Variants in DOK6 observed in about 807,000 individuals in gnomAD.
DOK6 encodes docking protein 6.
Under a neutral mutation model 44.0 loss-of-function variants are expected in DOK6, and 22 were observed. That is an observed-to-expected ratio of 0.50 (90% CI 0.36 to 0.71). The LOEUF is 0.71. DOK6 is among the 30% of genes least tolerant of loss of function. The pLI, the probability that DOK6 is intolerant of heterozygous loss-of-function variation, is 0.00. For missense variants in DOK6, 340 were observed against 416.4 expected (o/e 0.82, Z 1.60); for synonymous variants, 166 against 145.5 (o/e 1.14, Z -1.01).
At chr18:69,459,306 A>C (rs562799256) in intron 1 of DOK6, among the ~76,000 whole-genome samples, 23 of 151,480 alleles carry the variant, frequency 1.5e-4, no homozygotes, top group Non-Finnish European at 4.4e-5. Context: ...TTAGCCTTTT[A>C]TACTTTCTAG....
Position 69,757,944 on chromosome 18 carries a change from G to C in DOK6, c.856+71G>C. On this transcript the variant is annotated intron_variant, in intron 7 of 7. Transcript: ENST00000382713. ...CCAGGTGGACTGAGTCATGCAAATT[G>C]CTTTGTATTTGCATTGCTTGCTTTT... The C allele has an allele frequency of 2.3e-6, 3 of 1,317,200 alleles. No homozygotes were observed. In the South Asian group the frequency reaches 3.5e-5, roughly 16 times the overall value. 81.6% of individuals were successfully genotyped at this position (1,317,200 alleles called of 1,614,324 possible).
At chr18:69,776,324 G>A (rs1980061223) in intron 7 of DOK6, among the ~76,000 whole-genome samples, 1 of 151,778 alleles carries the variant, frequency 6.6e-6, no homozygotes, top group South Asian at 2.1e-4. Flanking sequence ...ATAGAACATG[G>A]GCTCATGTTT....
chr18:69,671,061 GTTCT>G (rs1446757549), intron 3 of DOK6, among the ~76,000 whole-genome samples: 1 of 151,894 alleles, frequency 6.6e-6, no homozygotes, highest in Non-Finnish European at 1.5e-5. Context: ...GTCCATTTCT[GTTCT>G]TTCTTGTTTT....
intron 1 of DOK6, among the ~76,000 whole-genome samples, chr18:69,536,979 C>CATTATTATTATTATTATT (rs6146369): frequency 3.7e-4 from 53 of 144,856 alleles, no homozygotes; most frequent in South Asian, 1.7e-3. Flanking sequence ...GAAGATTTAT[C>CATTATTATTATTATTATT]ATTATTATTA....
At chr18:69,754,451 C>T (rs1186400555) in intron 6 of DOK6, among the ~76,000 whole-genome samples, 1 of 142,268 alleles carries the variant, frequency 7.0e-6, no homozygotes, top group Non-Finnish European at 1.5e-5. Context: ...GCTTAAAGTT[C>T]ATAACAAAAT....
Position 69,546,947 on chromosome 18 carries a change from T to C in DOK6, c.67-17540T>C, listed in dbSNP as rs1982422804. Among the ~76,000 whole-genome samples, 4 of 151,592 alleles carry C rather than the reference T, an allele frequency of 2.6e-5. 1 individual carries two copies. Among genetic ancestry groups the C allele is most frequent in the Non-Finnish European group, 4.4e-5 (3 of 67,746 alleles). On this transcript the variant is annotated intron_variant, in intron 1 of 7. Coordinates refer to ENST00000382713, the MANE Select transcript of DOK6 (RefSeq NM_152721.6). ...TTAATTTGCTCACGGTTCTTCAGGCTGTACAGAAAGCATGACAGCATCTGC... is the reference window on the plus strand; with the variant it reads ...TTAATTTGCTCACGGTTCTTCAGGCCGTACAGAAAGCATGACAGCATCTGC...
chr18:69,552,236 T>C (rs1234052021), intron 1 of DOK6, among the ~76,000 whole-genome samples: 1 of 152,080 alleles, frequency 6.6e-6, no homozygotes, highest in Non-Finnish European at 1.5e-5. Flanking sequence ...GAGCTCAGAG[T>C]GTTTTGGAAA....
At chr18:69,412,812 A>G (rs1022352767) in intron 1 of DOK6, among the ~76,000 whole-genome samples, 6 of 152,166 alleles carry the variant, frequency 3.9e-5, no homozygotes, top group African/African-American at 1.4e-4. Context: ...TGAAATGCCC[A>G]AAATGCTTAT....
At chr18:69,637,184 A>G (rs1029801579) in intron 3 of DOK6, among the ~76,000 whole-genome samples, 4 of 152,176 alleles carry the variant, frequency 2.6e-5, no homozygotes, top group African/African-American at 9.7e-5. Context: ...AAACCTACCT[A>G]AATGACAACC....
intron 6 of DOK6, among the ~76,000 whole-genome samples, chr18:69,754,415 T>A (rs2144751591): frequency 6.6e-6 from 1 of 150,920 alleles, no homozygotes; most frequent in African/African-American, 2.4e-5. Context: ...ACTGCACAGA[T>A]CAAACAGGTC....
chr18:69,816,797 G>A (rs1203182160), intron 7 of DOK6, among the ~76,000 whole-genome samples: 1 of 152,186 alleles, frequency 6.6e-6, no homozygotes, highest in Non-Finnish European at 1.5e-5. Context: ...AACTGTTCGT[G>A]ACCATTGAAT....
chr18:69,789,097 A>G (rs1251131038), intron 7 of DOK6, among the ~76,000 whole-genome samples: 1 of 152,206 alleles, frequency 6.6e-6, no homozygotes, highest in African/African-American at 2.4e-5. Flanking sequence ...AACCAAGACC[A>G]TGTATTTGAG....
chr18:69,780,019 T>A (rs920305007), intron 7 of DOK6, among the ~76,000 whole-genome samples: 1 of 152,136 alleles, frequency 6.6e-6, no homozygotes, highest in Admixed American at 6.6e-5. Flanking sequence ...ATAACTATAA[T>A]TATATAAATA....
intron 7 of DOK6, among the ~76,000 whole-genome samples, chr18:69,812,231 A>G (rs1981262582): frequency 6.6e-6 from 1 of 152,104 alleles, no homozygotes; most frequent in Non-Finnish European, 1.5e-5. Flanking sequence ...TTCCAGAGTT[A>G]CATACTCTCA....
chr18:69,496,348 C>T (rs1980888366), intron 1 of DOK6, among the ~76,000 whole-genome samples: 1 of 152,354 alleles, frequency 6.6e-6, no homozygotes, highest in South Asian at 2.1e-4. Flanking sequence ...TCCCACCCCA[C>T]CAACTCGGAA....
intron 7 of DOK6, among the ~76,000 whole-genome samples, chr18:69,806,198 A>G (rs962749982): frequency 6.6e-6 from 1 of 151,962 alleles, no homozygotes; most frequent in African/African-American, 2.4e-5. Flanking sequence ...AGTATAATAA[A>G]TGATGTCATT....
intron 1 of DOK6, among the ~76,000 whole-genome samples, chr18:69,480,883 A>G (rs1980399216): frequency 6.6e-6 from 1 of 152,200 alleles, no homozygotes; most frequent in African/African-American, 2.4e-5. Flanking sequence ...AGAGAACTGT[A>G]CATGAGAAAG....
intron 7 of DOK6, among the ~76,000 whole-genome samples, chr18:69,783,304 A>G (rs1173513098): frequency 1.3e-5 from 2 of 152,250 alleles, no homozygotes; most frequent in African/African-American, 2.4e-5. Context: ...GAGATATACT[A>G]TAAGAGAGAT....
At chr18:69,406,689 C>T (rs1200491471) in intron 1 of DOK6, among the ~76,000 whole-genome samples, 1 of 152,172 alleles carries the variant, frequency 6.6e-6, no homozygotes, top group Non-Finnish European at 1.5e-5. Context: ...GGTCAAATAT[C>T]TTTCTACGAT....
Sources: gnomAD v4.1 joint callset for allele counts (sites outside exome capture counted in the v4.1 genomes callset) on GRCh38, gnomAD v4.1.1 for gene constraint, MANE v1.5 for transcripts, NCBI Gene and HGNC (gene_info 2026-07-23, HGNC 2026-07-21) for gene names.